SPATA7: variants seen among roughly 807,000 people sequenced by gnomAD.
SPATA7 encodes the protein spermatogenesis associated 7.
SPATA7 carries 43 observed loss-of-function variants against 51.8 expected under a neutral mutation model. The observed-to-expected ratio is 0.83, with a 90% CI of 0.65 to 1.07. The LOEUF (loss-of-function observed/expected upper bound fraction) is 1.07, where lower values mean the gene tolerates loss of function less well. SPATA7 is among the 50% of genes least tolerant of loss of function. The pLI is 0.00. For missense variants in SPATA7, 683 were observed against 701.3 expected (o/e 0.97, Z 0.30); for synonymous variants, 230 against 252.8 (o/e 0.91, Z 0.86).
chr14:88,455,210 G>GTGT (rs1351285826), exon 4 of SPATA7: 34 of 422,126 alleles, frequency 8.1e-5, no homozygotes, highest in Non-Finnish European at 1.5e-4. Flanking sequence ...CTTTATTCAA[G>GTGT]TGTATTAATT....
chr14:88,455,005 C>T, intron 3 of SPATA7: 1 of 452,194 alleles, frequency 2.2e-6, no homozygotes, highest in Non-Finnish European at 4.4e-6. Flanking sequence ...CCCATAGCTT[C>T]TGACTCAAAA....
At chr14:88,432,654 C>T (rs1485468191) in intron 9 of SPATA7, 1 of 152,320 alleles carries the variant, frequency 6.6e-6, no homozygotes, top group Non-Finnish European at 1.5e-5. Context: ...AGATGCTGGC[C>T]TAGGGCTAGG....
At chr14:88,458,207 G>T (rs2077296860), downstream of SPATA7, among the ~76,000 whole-genome samples, 1 of 152,132 alleles carries the variant, frequency 6.6e-6, no homozygotes, top group South Asian at 2.1e-4. Context: ...TTGTGTCTTT[G>T]TCAGGCTTTG....
At chr14:88,415,246 G>T (rs1402328442) in intron 4 of SPATA7, 5 of 361,252 alleles carry the variant, frequency 1.4e-5, no homozygotes, top group African/African-American at 6.3e-5. Context: ...CCAGTGTTGG[G>T]TGCAAATATA....
At position 88,427,621 on chromosome 14, in the gene SPATA7, T is replaced by A; in HGVS notation, c.846-9T>A. ...AGGATTAACAATTATTTATTTTAAA[T>A]TATTACAGCTTTAAATCTGAGTTGG... On this transcript the variant is annotated splice_polypyrimidine_tract_variant and intron_variant, in intron 6 of 11. Coordinates refer to ENST00000393545, the MANE Select transcript of SPATA7 (RefSeq NM_018418.5). 6.3e-7 allele frequency: 1 copy of A among 1,580,400 alleles called. No individual in the cohort carries two copies. The highest frequency in any genetic ancestry group is 1.1e-5 in the South Asian group (1 of 89,058).
At chr14:88,429,247 C>T in intron 7 of SPATA7, 101 bp from the exon 8 acceptor site, 1 of 680,432 alleles carries the variant, frequency 1.5e-6, no homozygotes, top group Non-Finnish European at 2.7e-6. Flanking sequence ...TTTTTATCTA[C>T]TGGATATCTC....
Position 88,421,071 on chromosome 14 carries a change from G to A in SPATA7, c.372+4227G>A, listed in dbSNP as rs976019229. 1.3e-4 allele frequency among the ~76,000 whole-genome samples: 19 copies of A among 151,830 alleles called. 1 individual carries two copies. Among genetic ancestry groups the A allele is most frequent in the Middle Eastern group, 6.3e-3 (2 of 316 alleles). ...GGAGGTCTCAATGAGCTGAGTTAAC[G>A]CCACTGCACTCCAGCCTGGTGACAG... On this transcript the variant is annotated intron_variant, in intron 5 of 11. Transcript: ENST00000393545.
chr14:88,429,528 T>C (rs1269560850), intron 8 of SPATA7, 65 bp downstream of exon 8: 6 of 1,044,592 alleles, frequency 5.7e-6, no homozygotes, highest in South Asian at 3.9e-5. Context: ...AACAGACATA[T>C]AGTATTTGCC....
At chr14:88,414,768 G>A (rs1052191323) in intron 4 of SPATA7, 5 of 294,036 alleles carry the variant, frequency 1.7e-5, no homozygotes, top group African/African-American at 4.6e-5. Flanking sequence ...ATTTCAAAGA[G>A]TTTTTTTGTT....
chr14:88,437,719 G>T (rs745891612), intron 11 of SPATA7, 119 bp from the exon 12 acceptor site: 43 of 1,332,102 alleles, frequency 3.2e-5, no homozygotes, highest in Non-Finnish European at 4.2e-5. Flanking sequence ...GAACTTTTTT[G>T]AGGGTGGTGG....
downstream of SPATA7, among the ~76,000 whole-genome samples, chr14:88,443,344 A>G (rs1016900583): frequency 7.2e-5 from 11 of 152,034 alleles, no homozygotes; most frequent in Admixed American, 1.3e-4. Flanking sequence ...GGAGGGTTGT[A>G]TATTTCCAGG....
In SPATA7 at chr14:88,451,604, G is replaced by A. The variant is rs1179152142; in HGVS notation, c.178-3456G>A. The stretch of plus-strand genomic sequence containing the variant: ...TGCAGTGCCACAATCTCGGCTCACT[G>A]CAACCTCTGCCTCCCTAGGTTCAAG... On this transcript the variant is annotated intron_variant, in intron 3 of 3. Transcript: ENST00000554802. 2.7e-5 allele frequency among the ~76,000 whole-genome samples: 4 copies of A among 150,082 alleles called. No homozygotes were observed. In the South Asian group the frequency reaches 8.4e-4, roughly 31 times the overall value.
chr14:88,433,772 C>T (rs554522219), intron 10 of SPATA7, among the ~76,000 whole-genome samples: 1 of 152,188 alleles, frequency 6.6e-6, no homozygotes, highest in African/African-American at 2.4e-5. Flanking sequence ...GTTATGTAAC[C>T]TAGGACCCTA....
intron 10 of SPATA7, among the ~76,000 whole-genome samples, chr14:88,436,342 G>C (rs1042437979): frequency 1.3e-5 from 2 of 152,176 alleles, no homozygotes; most frequent in African/African-American, 4.8e-5. Flanking sequence ...TGTCAGAGGG[G>C]TAGTTTGCAA....
chr14:88,469,593 C>T lies in SPATA7; in HGVS notation c.255-254C>T, dbSNP rs1217350897. 25 of 1,614,002 alleles carry T rather than the reference C, an allele frequency of 1.5e-5. No homozygotes were observed. The highest frequency in any genetic ancestry group is 2.1e-5 in the Non-Finnish European group (25 of 1,180,052). ...TCCTCTCTTGCCCAGTAAGGAGGTGCTTCATCTTCAGGCCTGTGGTGGCAT... is the reference window on the plus strand; with the variant it reads ...TCCTCTCTTGCCCAGTAAGGAGGTGTTTCATCTTCAGGCCTGTGGTGGCAT... On this transcript the variant is annotated intron_variant, in intron 4 of 4. Transcript: ENST00000556406. This position sits in a 1 kb window ranked among gnomAD's most constrained non-coding sequence, Gnocchi z 4.3.
At chr14:88,453,000 A>G (rs1429855065) in intron 3 of SPATA7, among the ~76,000 whole-genome samples, 1 of 152,148 alleles carries the variant, frequency 6.6e-6, no homozygotes, top group Non-Finnish European at 1.5e-5. Context: ...CCCAGACTGA[A>G]TATAACACCT....
chr14:88,402,234 T>C (rs536150418), intron 4 of SPATA7, among the ~76,000 whole-genome samples: 3 of 152,358 alleles, frequency 2.0e-5, no homozygotes, highest in Non-Finnish European at 4.4e-5. Flanking sequence ...AAGTAGTCTA[T>C]AAATTCACTG....
At chr14:88,387,283 T>A (rs2075607323) in intron 1 of SPATA7, among the ~76,000 whole-genome samples, 1 of 152,208 alleles carries the variant, frequency 6.6e-6, no homozygotes, top group African/African-American at 2.4e-5. Context: ...TGAATTATTT[T>A]AAAAATTGGG....
chr14:88,395,291 ATTT>A (rs544005987), intron 3 of SPATA7, among the ~76,000 whole-genome samples: 62 of 150,712 alleles, frequency 4.1e-4, no homozygotes, highest in Non-Finnish European at 7.5e-4. Context: ...TGTCTTTTAA[ATTT>A]TTATTTTCTC....
Sources: allele counts gnomAD v4.1 joint callset (sites outside exome capture counted in the v4.1 genomes callset), GRCh38; gene constraint gnomAD v4.1.1; non-coding constraint Gnocchi (gnomAD v3.1); transcripts MANE v1.5; gene names NCBI Gene and HGNC (gene_info 2026-07-23, HGNC 2026-07-21).